The following TRAPPC12 variants were observed in gnomAD, a reference collection of about 807,000 sequenced individuals.
The protein encoded by TRAPPC12 is trafficking protein particle complex subunit 12, also known as TPR repeat protein 15.
In TRAPPC12, 61 loss-of-function variants were observed where a neutral mutation model predicts 69.2. The ratio of observed to expected loss-of-function variants is 0.88; its 90% CI spans 0.72 to 1.09. The LOEUF is 1.09. TRAPPC12 is among the 50% of genes least tolerant of loss of function. TRAPPC12 has a pLI of 0.00. For missense variants in TRAPPC12, 1,101 were observed against 1,016.4 expected (o/e 1.08, Z -1.13); for synonymous variants, 469 against 438.9 (o/e 1.07, Z -0.86).
chr2:3,394,448 C>G (rs1219286559), intron 2 of TRAPPC12, among the ~76,000 whole-genome samples: 4 of 152,000 alleles, frequency 2.6e-5, no homozygotes, highest in African/African-American at 9.7e-5. Flanking sequence ...CGGTGAAACC[C>G]CATCTCTACT....
At chr2:3,446,368 A>G (rs1490528944) in intron 6 of TRAPPC12, among the ~76,000 whole-genome samples, 1 of 152,216 alleles carries the variant, frequency 6.6e-6, no homozygotes, top group African/African-American at 2.4e-5. Context: ...TAATTTCAAT[A>G]TGTAATTACT....
Position 3,388,045 on chromosome 2 carries a change from G to T in TRAPPC12, c.422G>T (p.Gly141Val). 1 of 1,499,708 alleles carries T rather than the reference G, an allele frequency of 6.7e-7. No homozygotes were observed. The highest frequency in any genetic ancestry group is 2.0e-4 in the Middle Eastern group (1 of 5,014). 92.9% of individuals were successfully genotyped at this position (1,499,708 alleles called of 1,614,324 possible). A position where few individuals can be genotyped will look rare whatever the true frequency, so the allele number is the denominator to read the frequency against. ...CAGGACGCGGCCCGCGAGGTCCCAG[G>T]CAGCGAAGCCGCGCGCCCGGAGCAG... ...PRQDAAREVP[G>V]SEAARPEQEP... Residue 141 changes from glycine (G) to valine (V), a missense_variant, in exon 2 of 12, where the codon GGC becomes GTC. Coordinates refer to ENST00000324266, the MANE Select transcript of TRAPPC12 (RefSeq NM_016030.6).
intron 3 of TRAPPC12, among the ~76,000 whole-genome samples, chr2:3,407,046 G>A (rs1305967821): frequency 6.6e-6 from 1 of 152,180 alleles, no homozygotes; most frequent in Non-Finnish European, 1.5e-5. Context: ...AATAATTCGT[G>A]TTGTCTTTAA....
At chr2:3,394,388 C>T (rs771278204) in intron 2 of TRAPPC12, among the ~76,000 whole-genome samples, 3 of 152,026 alleles carry the variant, frequency 2.0e-5, no homozygotes, top group Non-Finnish European at 2.9e-5. Flanking sequence ...TTTGGGAGTC[C>T]GAGGTGGGTG....
chr2:3,405,459 C>T (rs1404519179), intron 3 of TRAPPC12, among the ~76,000 whole-genome samples: 1 of 152,194 alleles, frequency 6.6e-6, no homozygotes, highest in Non-Finnish European at 1.5e-5. Context: ...GTCGGATCTA[C>T]ACACCGTGGG....
chr2:3,445,384 C>T (rs1558388725), intron 6 of TRAPPC12, among the ~76,000 whole-genome samples: 1 of 150,622 alleles, frequency 6.6e-6, no homozygotes, highest in Non-Finnish European at 1.5e-5. Flanking sequence ...GACTCTGTCT[C>T]AAAAAAAAAG....
Position 3,387,655 on chromosome 2 carries a change from C to CGGCCCCGGA in TRAPPC12, c.40_48dup (p.Glu14_Pro16dup), listed in dbSNP as rs1558337506. Reference sequence around the variant, plus strand: ...GACGCTGGCGGCGGCGAGGAGACCCCGGCCCCGGAGGCCCCGCACCCCCCT... The same window carrying CGGCCCCGGA: ...GACGCTGGCGGCGGCGAGGAGACCCCGGCCCCGGAGGCCCCGGAGGCCCCGCACCCCCCT... On this transcript the variant is annotated inframe_insertion, in exon 2 of 12. Transcript: ENST00000324266. 6.5e-7 allele frequency: 1 copy of CGGCCCCGGA among 1,547,464 alleles called. No homozygotes were observed. The highest frequency in any genetic ancestry group is 2.0e-5 in the Admixed American group (1 of 50,736).
At chr2:3,390,014 G>A (rs1282927943) in intron 2 of TRAPPC12, among the ~76,000 whole-genome samples, 2 of 152,178 alleles carry the variant, frequency 1.3e-5, no homozygotes, top group Non-Finnish European at 2.9e-5. Flanking sequence ...AGTTGGGGAA[G>A]GGTAGGTATA....
At chr2:3,461,641 G>T (rs1665506823) in intron 8 of TRAPPC12, among the ~76,000 whole-genome samples, 2 of 152,210 alleles carry the variant, frequency 1.3e-5, no homozygotes, top group East Asian at 3.8e-4. Context: ...CTCAGAGCAG[G>T]TTTTTCTTCC....
At chr2:3,389,972 A>G (rs1660738522) in intron 2 of TRAPPC12, among the ~76,000 whole-genome samples, 1 of 152,060 alleles carries the variant, frequency 6.6e-6, no homozygotes, top group Non-Finnish European at 1.5e-5. Flanking sequence ...CAAAGTCACC[A>G]CTCAAAGGTG....
intron 8 of TRAPPC12, among the ~76,000 whole-genome samples, chr2:3,462,635 T>C (rs1255000056): frequency 6.6e-6 from 1 of 152,262 alleles, no homozygotes; most frequent in Non-Finnish European, 1.5e-5. Flanking sequence ...TGGATAAATC[T>C]GCATGATATG....
At chr2:3,476,084 G>A (rs1007550731) in intron 9 of TRAPPC12, among the ~76,000 whole-genome samples, 1 of 152,204 alleles carries the variant, frequency 6.6e-6, no homozygotes, top group Non-Finnish European at 1.5e-5. Flanking sequence ...ACTTCAAACG[G>A]CTTCGGACTG....
intron 4 of TRAPPC12, among the ~76,000 whole-genome samples, chr2:3,422,447 A>G (rs1662864845): frequency 6.6e-6 from 1 of 152,192 alleles, no homozygotes; most frequent in Non-Finnish European, 1.5e-5. Flanking sequence ...AAGAAAAGGG[A>G]ATGCACAAAA....
At chr2:3,465,052 A>C (rs1440361991) in intron 8 of TRAPPC12, among the ~76,000 whole-genome samples, 2 of 152,240 alleles carry the variant, frequency 1.3e-5, no homozygotes, top group Non-Finnish European at 2.9e-5. Flanking sequence ...GGAGCACACG[A>C]CATTCACGCA....
chr2:3,387,491 C>G (rs1453651547), intron 1 of TRAPPC12, 129 bp from the exon 2 acceptor site: 1 of 792,514 alleles, frequency 1.3e-6, no homozygotes, highest in Non-Finnish European at 2.0e-6. Flanking sequence ...TTACCATAAT[C>G]AAAAGCACAT....
In TRAPPC12 at chr2:3,424,619, A is replaced by C; in HGVS notation, c.1373A>C (p.Asp458Ala). The change falls in exon 5 of 12, where the codon GAT becomes GCT. Residue 458 changes from aspartate (D) to alanine (A), a missense_variant. Asp to Ala is a moderately radical substitution (Grantham distance 126). Transcript: ENST00000324266. ...FEPFGNLDQPDLYYEYYPHVY... is the reference protein window; with the variant it reads ...FEPFGNLDQPALYYEYYPHVY... ...CCCTTCGGAAATCTTGATCAGCCAG[A>C]TCTTTATTACGAGTACTACCCGCAC... The C allele has an allele frequency of 6.2e-7, 1 of 1,614,060 alleles. No individual in the cohort carries two copies. Among genetic ancestry groups the C allele is most frequent in the Non-Finnish European group, 8.5e-7 (1 of 1,179,998 alleles).
At chr2:3,423,979 C>T (rs1392804693) in intron 4 of TRAPPC12, among the ~76,000 whole-genome samples, 4 of 152,140 alleles carry the variant, frequency 2.6e-5, no homozygotes, top group Non-Finnish European at 4.4e-5. Context: ...GCCTGTGGCC[C>T]CTTGAAATTC....
intron 5 of TRAPPC12, among the ~76,000 whole-genome samples, chr2:3,429,242 C>G (rs999389000): frequency 1.3e-5 from 2 of 152,194 alleles, no homozygotes; most frequent in Non-Finnish European, 2.9e-5. Context: ...GGCTTTAGCT[C>G]CCTCAGACTT....
chr2:3,455,088 G>A (rs1665070483), intron 6 of TRAPPC12: 1 of 152,296 alleles, frequency 6.6e-6, no homozygotes, highest in Admixed American at 6.5e-5. Context: ...CCGCCAGTGG[G>A]CGTGTTCGAG....
Sources: gnomAD v4.1 joint callset for allele counts (sites outside exome capture counted in the v4.1 genomes callset) on GRCh38, gnomAD v4.1.1 for gene constraint, MANE v1.5 for transcripts, NCBI Gene and HGNC (gene_info 2026-07-23, HGNC 2026-07-21) for gene names.